NUP214: variants seen among roughly 807,000 people sequenced by gnomAD.
NUP214 encodes nucleoporin 214.
In NUP214, 79 loss-of-function variants were observed where a neutral mutation model predicts 196.2. The observed-to-expected ratio is 0.40, with a 90% CI of 0.34 to 0.49. NUP214 has a LOEUF of 0.49. Ranked by LOEUF, NUP214 falls within the 20% of genes least tolerant of loss-of-function variation. The pLI is 0.58. For synonymous variants in NUP214, 1,020 were observed against 990.5 expected (o/e 1.03, Z -0.56); for missense variants, 2,468 against 2,539.0 (o/e 0.97, Z 0.60).
At chr9:131,221,935 T>C (rs1162283111) in intron 31 of NUP214, among the ~76,000 whole-genome samples, 1 of 152,226 alleles carries the variant, frequency 6.6e-6, no homozygotes, top group Non-Finnish European at 1.5e-5. Context: ...TTTGTCTGTT[T>C]ATCTATTATT....
At chr9:131,195,466 G>A (rs2131040058) in intron 28 of NUP214, 172 bp downstream of exon 28, 2 of 468,266 alleles carry the variant, frequency 4.3e-6, no homozygotes, top group East Asian at 6.8e-5. Context: ...AGAAACTGAT[G>A]TGAAGGATTT....
intron 21 of NUP214, 186 bp downstream of exon 21, chr9:131,164,330 T>C (rs1832725446): frequency 1.7e-6 from 1 of 600,436 alleles, no homozygotes; most frequent in African/African-American, 1.9e-5. Context: ...TTAATCTGAA[T>C]AGTGGAATAA....
intron 28 of NUP214, 149 bp from the exon 29 acceptor site, chr9:131,197,067 C>A: frequency 9.4e-7 from 1 of 1,059,890 alleles, no homozygotes; most frequent in Non-Finnish European, 1.4e-6. Context: ...ACTCATTCCA[C>A]CTCCTTAGAG....
intron 10 of NUP214, among the ~76,000 whole-genome samples, chr9:131,139,686 T>A (rs1831850342): frequency 6.6e-6 from 1 of 152,210 alleles, no homozygotes; most frequent in East Asian, 1.9e-4. Flanking sequence ...AGAATCTGGT[T>A]GAAATATAGA....
chr9:131,193,415 G>A (rs1329662405), intron 27 of NUP214, among the ~76,000 whole-genome samples: 6 of 151,850 alleles, frequency 4.0e-5, no homozygotes, highest in Non-Finnish European at 5.9e-5. Flanking sequence ...TTTTTTGAGT[G>A]TCCTTCAGCC....
At position 131,144,666 on chromosome 9, in the gene NUP214, C is replaced by G. The variant is rs138179478; in HGVS notation, c.1681C>G (p.Pro561Ala). ...SGFKPTLEST[P>A]VPSVSAPNIA... Reference sequence around the variant, plus strand: ...TTTTAAGCCTACCCTGGAAAGCACACCAGTGCCAAGTGTGTCTGCTCCAAA... The same window carrying G: ...TTTTAAGCCTACCCTGGAAAGCACAGCAGTGCCAAGTGTGTCTGCTCCAAA... The change falls in exon 12 of 36, where the codon CCA becomes GCA. Residue 561 changes from proline (P) to alanine (A), a missense_variant. This residue lies in a region of NUP214 where 1,801 missense variants were observed against 1,779.4 expected (regional missense o/e 1.01). Transcript: ENST00000359428. The G allele has an allele frequency of 2.3e-5, 37 of 1,614,068 alleles. No individual in the cohort carries two copies. The highest frequency in any genetic ancestry group is 2.9e-5 in the Non-Finnish European group (34 of 1,180,022).
At chr9:131,226,297 G>A (rs979615623) in intron 32 of NUP214, among the ~76,000 whole-genome samples, 4 of 151,856 alleles carry the variant, frequency 2.6e-5, no homozygotes, top group Non-Finnish European at 5.9e-5. Context: ...ATGAAAATAC[G>A]GCAACTGATA....
At chr9:131,199,819 C>T (rs549737837) in intron 29 of NUP214, among the ~76,000 whole-genome samples, 3 of 152,032 alleles carry the variant, frequency 2.0e-5, no homozygotes, top group African/African-American at 7.2e-5. Context: ...ATTCATTATT[C>T]GATGATAACT....
chr9:131,155,915 A>G (rs1423497738), intron 17 of NUP214, among the ~76,000 whole-genome samples: 1 of 152,112 alleles, frequency 6.6e-6, no homozygotes, highest in African/African-American at 2.4e-5. Flanking sequence ...AGATAACGTG[A>G]TACCTCCAGA....
intron 17 of NUP214, 102 bp from the exon 18 acceptor site, chr9:131,159,281 C>G (rs1183858121): frequency 6.7e-6 from 5 of 750,118 alleles, no homozygotes; most frequent in Admixed American, 5.1e-5. Flanking sequence ...CATTATGGTT[C>G]TTAATATAGA....
chr9:131,144,782 C>G, intron 12 of NUP214, 28 bp downstream of exon 12: 1 of 1,477,718 alleles, frequency 6.8e-7, no homozygotes, highest in African/African-American at 1.4e-5. Context: ...TTTGATTCTT[C>G]TGTGAGTTGG....
At chr9:131,162,938 A>G in intron 18 of NUP214, 53 bp from the exon 19 acceptor site, 1 of 1,566,034 alleles carries the variant, frequency 6.4e-7, no homozygotes, top group Non-Finnish European at 8.8e-7. Flanking sequence ...TTACTGGGAG[A>G]TTCCTTTACT....
In NUP214 at chr9:131,144,660, A is replaced by C; in HGVS notation, c.1675A>C (p.Ser559Arg). 6.2e-7 allele frequency: 1 copy of C among 1,614,206 alleles called. No homozygotes were observed. The highest frequency in any genetic ancestry group is 8.5e-7 in the Non-Finnish European group (1 of 1,180,026). Residue 559 changes from serine to arginine, a missense_variant, in exon 12 of 36, where the codon AGC (serine) becomes CGC (arginine). By Grantham distance (110) the Ser-to-Arg change is moderately radical. This residue lies in a region of NUP214 where 1,801 missense variants were observed against 1,779.4 expected (regional missense o/e 1.01). Coordinates refer to ENST00000359428, the MANE Select transcript of NUP214 (RefSeq NM_005085.4). ...ATCTGGTTTTAAGCCTACCCTGGAA[A>C]GCACACCAGTGCCAAGTGTGTCTGC... ...GSSGFKPTLE[S>R]TPVPSVSAPN... is the part of the protein sequence containing the mutation.
At position 131,215,236 on chromosome 9, in the gene NUP214, G is replaced by A. The variant is rs753177652; in HGVS notation, c.5617G>A (p.Val1873Met). ...GQQSSSSSGS[V>M]FGSGNTGRGG... ...GCAATCATCCTCTTCCAGTGGTAGCGTGTTTGGGTCTGGAAACACTGGAAG... is the reference window on the plus strand; with the variant it reads ...GCAATCATCCTCTTCCAGTGGTAGCATGTTTGGGTCTGGAAACACTGGAAG... The change falls in exon 31 of 36, where the codon GTG becomes ATG. Residue 1873 changes from valine to methionine, a missense_variant. Val to Met is a conservative substitution (Grantham distance 21). This residue lies in a region of NUP214 where 262 missense variants were observed against 296.5 expected (regional missense o/e 0.88). Transcript: ENST00000359428. The A allele has an allele frequency of 2.8e-5, 44 of 1,577,724 alleles. No homozygotes were observed. Among genetic ancestry groups the A allele is most frequent in the South Asian group, 5.8e-5 (5 of 86,110 alleles).
At chr9:131,152,783 A>T (rs913795096) in intron 17 of NUP214, among the ~76,000 whole-genome samples, 10 of 151,998 alleles carry the variant, frequency 6.6e-5, no homozygotes, top group African/African-American at 2.4e-4. Context: ...CTCTTGAAAA[A>T]AAATTTTTTT....
Position 131,233,797 on chromosome 9 carries a change from C to T in NUP214, c.*310C>T, listed in dbSNP as rs1834942484. ...AGCAGAGCCTCCATCAGCCAGAACA[C>T]TGTGTCTTCAAGGATGGCATCAGAA... is the stretch of plus-strand genomic sequence containing the variant. On this transcript the variant is annotated 3_prime_UTR_variant, in exon 36 of 36. Coordinates refer to ENST00000359428, the MANE Select transcript of NUP214 (RefSeq NM_005085.4). The T allele has an allele frequency of 2.0e-5, 9 of 448,406 alleles. No homozygotes were observed. The Admixed American group carries it at 3.1e-4, about 16-fold the overall frequency. 27.8% of individuals were successfully genotyped at this position (448,406 alleles called of 1,614,324 possible).
At chr9:131,133,349 G>A (rs1158715295) in intron 7 of NUP214, 140 bp downstream of exon 7, 2 of 547,102 alleles carry the variant, frequency 3.7e-6, no homozygotes, top group Non-Finnish European at 6.1e-6. Context: ...CTGTCGCCCA[G>A]GCTAGAGTGC....
In NUP214 at chr9:131,199,126, A is replaced by G. The variant is rs149914948; in HGVS notation, c.5521+111A>G. On this transcript the variant is annotated intron_variant, in intron 29 of 35. Coordinates refer to ENST00000359428, the MANE Select transcript of NUP214 (RefSeq NM_005085.4). ...AGGGGAGACTCAAAACCCAAAAATA[A>G]TCTGTAGGTTAAAGAAGACAGCTTG... 1.2e-3 allele frequency: 1,565 copies of G among 1,325,298 alleles called. 2 individuals carry two copies. The highest frequency in any genetic ancestry group is 1.4e-3 in the Non-Finnish European group (1,387 of 976,372). The allele number at this position is 1,325,298 out of a possible 1,614,324, so 82.1% of individuals were successfully genotyped here. A position where few individuals can be genotyped will look rare whatever the true frequency, so the allele number is the denominator to read the frequency against.
Position 131,222,842 on chromosome 9 carries a change from T to G in NUP214, c.5814T>G (p.Phe1938Leu). The G allele has an allele frequency of 6.2e-7, 1 of 1,614,242 alleles. No individual in the cohort carries two copies. Residue 1938 changes from phenylalanine to leucine, a missense_variant, in exon 32 of 36, where the codon TTT becomes TTG. Coordinates refer to ENST00000359428, the MANE Select transcript of NUP214 (RefSeq NM_005085.4). Reference protein sequence around the residue: ...KTFGGFASSSFGEQKPTGTFS... With the variant: ...KTFGGFASSSLGEQKPTGTFS... Reference sequence around the variant, plus strand: ...TTGGTGGATTTGCCAGCTCGTCGTTTGGAGAGCAGAAACCCACTGGCACTT... The same window carrying G: ...TTGGTGGATTTGCCAGCTCGTCGTTGGGAGAGCAGAAACCCACTGGCACTT...
Sources: allele counts gnomAD v4.1 joint callset (sites outside exome capture counted in the v4.1 genomes callset), GRCh38; gene constraint gnomAD v4.1.1; regional missense constraint gnomAD v4.1.1; transcripts MANE v1.5; gene names NCBI Gene and HGNC (gene_info 2026-07-23, HGNC 2026-07-21).